The following NRG1 variants were observed in gnomAD, a reference collection of about 807,000 sequenced individuals.
NRG1 encodes the protein pro-neuregulin-1, membrane-bound isoform.
A neutral mutation model predicts 63.8 loss-of-function variants in NRG1; 18 were observed. The ratio of observed to expected loss-of-function variants is 0.28; its 90% CI spans 0.19 to 0.42. The LOEUF (loss-of-function observed/expected upper bound fraction) is 0.42. NRG1 is among the 10% of genes least tolerant of loss of function. The pLI, the probability that NRG1 is intolerant of heterozygous loss-of-function variation, is 1.00. For missense variants in NRG1, 762 were observed against 814.7 expected (o/e 0.94, Z 0.79); for synonymous variants, 302 against 301.3 (o/e 1.00, Z -0.02).
At chr8:31,713,408 G>A (rs867754273) in intron 1 of NRG1, among the ~76,000 whole-genome samples, 43 of 152,012 alleles carry the variant, frequency 2.8e-4, no homozygotes, top group African/African-American at 8.5e-4. Context: ...GAGCCACCAC[G>A]CCTGGCCACT....
At chr8:31,958,239 A>G (rs1804808711) in intron 1 of NRG1, among the ~76,000 whole-genome samples, 1 of 152,216 alleles carries the variant, frequency 6.6e-6, no homozygotes, top group Admixed American at 6.5e-5. Context: ...AACATCCAAT[A>G]AAAACCTGTT....
At chr8:32,060,190 T>C (rs143185511) in intron 1 of NRG1, among the ~76,000 whole-genome samples, 23 of 152,130 alleles carry the variant, frequency 1.5e-4, no homozygotes, top group African/African-American at 5.1e-4. Context: ...TCTTAGTCTT[T>C]ATCCATAATA....
At chr8:32,066,567 A>G (rs1268394149) in intron 1 of NRG1, among the ~76,000 whole-genome samples, 1 of 152,052 alleles carries the variant, frequency 6.6e-6, no homozygotes, top group African/African-American at 2.4e-5. Flanking sequence ...TGGTACCAGT[A>G]CCATGCTGTT....
intron 1 of NRG1, among the ~76,000 whole-genome samples, chr8:32,007,812 T>G (rs753139423): frequency 8.6e-5 from 13 of 151,974 alleles, no homozygotes; most frequent in Non-Finnish European, 1.6e-4. Flanking sequence ...TGATATTCTC[T>G]GGGACTACAA....
At chr8:31,775,668 T>A (rs1819048550) in intron 1 of NRG1, among the ~76,000 whole-genome samples, 1 of 151,744 alleles carries the variant, frequency 6.6e-6, no homozygotes, top group African/African-American at 2.4e-5. Flanking sequence ...CGGATCATGA[T>A]GTCAGGAGAT....
chr8:31,680,345 T>C lies in NRG1; in HGVS notation c.37+40914T>C, dbSNP rs1010919795. Among the ~76,000 whole-genome samples the C allele has an allele frequency of 1.5e-4, 22 of 143,968 alleles. No individual in the cohort carries two copies. In the South Asian group the frequency reaches 4.4e-3, roughly 29 times the overall value. The allele number at this position is 143,968 out of a possible 152,430, so 94.4% of individuals were successfully genotyped here. A position where few individuals can be genotyped will look rare whatever the true frequency, so the allele number is the denominator to read the frequency against. On this transcript the variant is annotated intron_variant, in intron 1 of 10. Coordinates refer to the NRG1 transcript ENST00000519301. ...TGTGATGTTCCCCTTCCTGTGTCCA[T>C]GTGTTCTCATTGTTCAATTCCCACC...
At chr8:31,947,371 C>A (rs1802744764) in intron 1 of NRG1, among the ~76,000 whole-genome samples, 1 of 150,562 alleles carries the variant, frequency 6.6e-6, no homozygotes, top group African/African-American at 2.5e-5. Flanking sequence ...CTCTTCCAAT[C>A]TTTAGCTATG....
At chr8:31,677,485 GTTCTCTA>G (rs1807837401) in intron 1 of NRG1, among the ~76,000 whole-genome samples, 2 of 152,038 alleles carry the variant, frequency 1.3e-5, no homozygotes, top group African/African-American at 4.8e-5. Context: ...GTCAGAATCT[GTTCTCTA>G]GTAGAAAATC....
At chr8:32,020,677 A>G (rs1231674723) in intron 1 of NRG1, among the ~76,000 whole-genome samples, 1 of 152,218 alleles carries the variant, frequency 6.6e-6, no homozygotes, top group African/African-American at 2.4e-5. Context: ...TGGCCTCTAC[A>G]TGATTCTTCC....
At chr8:32,257,287 AGTGAACAGTTCTGTCTCACTG>A (rs1849835499) in intron 1 of NRG1, among the ~76,000 whole-genome samples, 1 of 152,128 alleles carries the variant, frequency 6.6e-6, no homozygotes, top group South Asian at 2.1e-4. Flanking sequence ...TTTCCAGGGG[AGTGAACAGTTCTGTCTCACTG>A]GCATTCCAGG....
At chr8:31,883,996 C>T (rs1296648297) in intron 1 of NRG1, among the ~76,000 whole-genome samples, 1 of 152,052 alleles carries the variant, frequency 6.6e-6, no homozygotes, top group Non-Finnish European at 1.5e-5. Flanking sequence ...GAGAGTGAGA[C>T]TCTGTTTCTG....
intron 1 of NRG1, among the ~76,000 whole-genome samples, chr8:32,516,909 A>G (rs1829873897): frequency 6.6e-6 from 1 of 152,218 alleles, no homozygotes; most frequent in Admixed American, 6.5e-5. Context: ...TTGTTTGGTC[A>G]GCAACTACTG....
rs1294002662 is a variant in NRG1 at position 31,920,775 on chromosome 8, T to G, written c.37+281344T>G. On this transcript the variant is annotated intron_variant, in intron 1 of 10. Coordinates refer to the NRG1 transcript ENST00000519301. ...TGAGGATACTCTAAGATAATGCAGG[T>G]AAAAGTGGGATGTTAACAGCATTTG... Among the ~76,000 whole-genome samples the G allele has an allele frequency of 3.9e-5, 6 of 152,006 alleles. No individual in the cohort carries two copies. The East Asian group carries it at 1.2e-3, about 29-fold the overall frequency.
chr8:32,208,190 T>C (rs966963275), intron 1 of NRG1, among the ~76,000 whole-genome samples: 2 of 152,100 alleles, frequency 1.3e-5, no homozygotes, highest in African/African-American at 4.8e-5. Context: ...TTACCTGTCA[T>C]ATGGCAGATG....
At chr8:31,810,469 C>G (rs891547734) in intron 1 of NRG1, among the ~76,000 whole-genome samples, 1 of 152,112 alleles carries the variant, frequency 6.6e-6, no homozygotes, top group East Asian at 1.9e-4. Flanking sequence ...TAATGTCTAT[C>G]ATTGTTCACT....
intron 1 of NRG1, among the ~76,000 whole-genome samples, chr8:32,166,007 C>A (rs540783030): frequency 9.2e-5 from 14 of 152,230 alleles, no homozygotes; most frequent in African/African-American, 3.1e-4. Flanking sequence ...ATTTCATCCT[C>A]ACCCTGCTTT....
At chr8:32,012,028 G>A (rs1814842076) in intron 1 of NRG1, among the ~76,000 whole-genome samples, 1 of 152,046 alleles carries the variant, frequency 6.6e-6, no homozygotes, top group Non-Finnish European at 1.5e-5. Context: ...TTCATAGAAG[G>A]CTACAAAGTC....
chr8:31,895,757 T>C (rs1831528683), intron 1 of NRG1, among the ~76,000 whole-genome samples: 1 of 152,184 alleles, frequency 6.6e-6, no homozygotes, highest in Non-Finnish European at 1.5e-5. Flanking sequence ...TTGTTCTTCC[T>C]TCTTTTCAAT....
At position 31,640,584 on chromosome 8, in the gene NRG1, G is replaced by A. The variant is rs751113043; in HGVS notation, c.37+1153G>A. 1.2e-5 allele frequency: 19 copies of A among 1,612,050 alleles called. No individual in the cohort carries two copies. The highest frequency in any genetic ancestry group is 3.3e-4 in the Middle Eastern group (2 of 6,074). On this transcript the variant is annotated intron_variant, in intron 1 of 10. Transcript: ENST00000519301. The surrounding 1 kb of genome is among the most constrained non-coding windows in gnomAD (Gnocchi z 6.3). ...CCTTCCCCTCCTGCGGGAGGCTCAA[G>A]GAGGACAGCAGGTACATCTTCTTCA...
Sources: gnomAD v4.1 joint callset for allele counts (sites outside exome capture counted in the v4.1 genomes callset) on GRCh38, gnomAD v4.1.1 for gene constraint, Gnocchi (gnomAD v3.1) non-coding constraint, MANE v1.5 for transcripts, NCBI Gene and HGNC (gene_info 2026-07-23, HGNC 2026-07-21) for gene names.